The following ABHD18 variants were observed in gnomAD, a reference collection of about 807,000 sequenced individuals.
The protein encoded by ABHD18 is abhydrolase domain containing 18, also known as cardiolipin-specific deacylase, mitochondrial.
ABHD18 carries 55 observed loss-of-function variants against 65.9 expected under a neutral mutation model. The observed-to-expected ratio is 0.84, with a 90% CI of 0.67 to 1.05. ABHD18 has a LOEUF of 1.05. Among genes scored for constraint, ABHD18 ranks in the 50% least tolerant of loss-of-function variants. The pLI, the probability that ABHD18 is intolerant of heterozygous loss-of-function variation, is 0.00. For missense variants in ABHD18, 533 were observed against 558.5 expected (o/e 0.95, Z 0.46); for synonymous variants, 181 against 180.2 (o/e 1.00, Z -0.04).
chr4:128,002,788 T>G (rs1387413466), intron 4 of ABHD18, among the ~76,000 whole-genome samples: 3 of 149,756 alleles, frequency 2.0e-5, no homozygotes, highest in Admixed American at 1.3e-4. Context: ...GGACTACAGG[T>G]AGGTGCCACC....
At position 127,965,578 on chromosome 4, in the gene ABHD18, C is replaced by G; in HGVS notation, c.-46C>G. 4.3e-6 allele frequency: 1 copy of G among 232,330 alleles called. No individual in the cohort carries two copies. Among genetic ancestry groups the G allele is most frequent in the South Asian group, 5.1e-5 (1 of 19,420 alleles). The allele number at this position is 232,330 out of a possible 1,614,324, so 14.4% of individuals were successfully genotyped here. A position where few individuals can be genotyped will look rare whatever the true frequency, so the allele number is the denominator to read the frequency against. On this transcript the variant is annotated 5_prime_UTR_variant, in exon 1 of 13. Coordinates refer to ENST00000645843, the MANE Select transcript of ABHD18 (RefSeq NM_001358451.3). ...CGGCGGTGCTGGGAGGCCCGGCCAG[C>G]TCGATCGCAGGCTTCCACCTGGCGG...
At chr4:127,987,105 C>T (rs974546517) in intron 3 of ABHD18, among the ~76,000 whole-genome samples, 9 of 152,156 alleles carry the variant, frequency 5.9e-5, no homozygotes, top group African/African-American at 2.2e-4. Context: ...GTAATATCAG[C>T]ACTTTGGGAG....
rs1759155893 is a variant in ABHD18 at position 128,039,226 on chromosome 4, A to G, written c.*3413A>G. The G allele has an allele frequency of 6.9e-6, 1 of 144,926 alleles. No homozygotes were observed. The highest frequency in any genetic ancestry group is 7.0e-5 in the Admixed American group (1 of 14,248). 9.0% of individuals were successfully genotyped at this position (144,926 alleles called of 1,614,324 possible). A position where few individuals can be genotyped will look rare whatever the true frequency, so the allele number is the denominator to read the frequency against. ...GGTCTGCCATTTATCTGCCATTTTG[A>G]GGATTTAGGTACTACATAAAATATT... On this transcript the variant is annotated 3_prime_UTR_variant, in exon 13 of 13. Coordinates refer to ENST00000645843, the MANE Select transcript of ABHD18 (RefSeq NM_001358451.3).
At chr4:127,989,660 C>A in intron 3 of ABHD18, 61 bp from the exon 4 acceptor site, 2 of 1,138,630 alleles carry the variant, frequency 1.8e-6, no homozygotes, top group Non-Finnish European at 2.5e-6. Context: ...AGAAGAACAT[C>A]CATGACAGAC....
chr4:127,990,183 A>G (rs1027358267), intron 4 of ABHD18, among the ~76,000 whole-genome samples: 1 of 152,256 alleles, frequency 6.6e-6, no homozygotes, highest in Non-Finnish European at 1.5e-5. Context: ...AAGTATGCAC[A>G]AACAATCACA....
At chr4:127,984,482 GA>G in intron 3 of ABHD18, 59 bp downstream of exon 3, 1 of 947,130 alleles carries the variant, frequency 1.1e-6, no homozygotes, top group Non-Finnish European at 1.6e-6. Flanking sequence ...ATATGTCTAA[GA>G]ATAGATTACA....
chr4:128,027,688 G>A (rs1757589469), intron 10 of ABHD18, among the ~76,000 whole-genome samples: 2 of 152,142 alleles, frequency 1.3e-5, no homozygotes, highest in African/African-American at 2.4e-5. Context: ...ACAGGCGTGA[G>A]CCACCGCGCC....
intron 7 of ABHD18, among the ~76,000 whole-genome samples, chr4:128,016,953 T>G (rs774641065): frequency 6.6e-6 from 1 of 152,188 alleles, no homozygotes; most frequent in Non-Finnish European, 1.5e-5. Flanking sequence ...GGTCTCATTC[T>G]GTTGCCCAGG....
intron 4 of ABHD18, among the ~76,000 whole-genome samples, chr4:128,003,367 CA>C (rs373482106): frequency 0.2 from 22,587 of 110,708 alleles, 2,007 homozygotes; most frequent in Middle Eastern, 0.38. Context: ...GATGCTGTCT[CA>C]AAAAAAAAAA....
In ABHD18 at chr4:128,039,270, G is replaced by C. The variant is rs1312655872; in HGVS notation, c.*3457G>C. ...AAATATTAGAAATTCATTTAGACCAGATCTGTAAACTGGTAGTTCACATAG... is the reference window on the plus strand; with the variant it reads ...AAATATTAGAAATTCATTTAGACCACATCTGTAAACTGGTAGTTCACATAG... On this transcript the variant is annotated 3_prime_UTR_variant, in exon 13 of 13. Coordinates refer to ENST00000645843, the MANE Select transcript of ABHD18 (RefSeq NM_001358451.3). The C allele has an allele frequency of 6.7e-6, 1 of 150,358 alleles. No individual in the cohort carries two copies. Among genetic ancestry groups the C allele is most frequent in the African/African-American group, 2.4e-5 (1 of 40,888 alleles). 9.3% of individuals were successfully genotyped at this position (150,358 alleles called of 1,614,324 possible).
intron 7 of ABHD18, 109 bp downstream of exon 7, chr4:128,011,809 A>C: frequency 6.4e-6 from 2 of 312,042 alleles, no homozygotes; most frequent in Non-Finnish European, 1.1e-5. Context: ...CCTAAATATT[A>C]TGGGGGGGGG....
intron 10 of ABHD18, among the ~76,000 whole-genome samples, chr4:128,026,297 CAAA>C (rs113822684): frequency 6.8e-6 from 1 of 147,334 alleles, no homozygotes; most frequent in Non-Finnish European, 1.5e-5. Flanking sequence ...TGAACAACAA[CAAA>C]AAAAAAAAAT....
chr4:127,979,486 C>T (rs748378349), intron 1 of ABHD18, among the ~76,000 whole-genome samples: 4 of 152,108 alleles, frequency 2.6e-5, no homozygotes, highest in Non-Finnish European at 4.4e-5. Flanking sequence ...ACCGGGGAGG[C>T]AGAGCTGGCA....
At chr4:128,018,770 T>G (rs905057162) in intron 8 of ABHD18, among the ~76,000 whole-genome samples, 1 of 152,026 alleles carries the variant, frequency 6.6e-6, no homozygotes, top group Non-Finnish European at 1.5e-5. Context: ...TCCCAGCACT[T>G]TGGGAGGCCG....
At chr4:128,025,811 C>T (rs751168817) in intron 10 of ABHD18, among the ~76,000 whole-genome samples, 7 of 152,100 alleles carry the variant, frequency 4.6e-5, no homozygotes, top group African/African-American at 4.8e-5. Context: ...TGGAAAATGG[C>T]GTAGTTTTAA....
chr4:128,029,874 T>A (rs1036193621), intron 11 of ABHD18, among the ~76,000 whole-genome samples: 9 of 151,408 alleles, frequency 5.9e-5, no homozygotes, highest in African/African-American at 2.2e-4. Flanking sequence ...TATAGTCCCA[T>A]CTACTCAGAG....
At chr4:127,977,046 A>G (rs1045609663) in intron 1 of ABHD18, among the ~76,000 whole-genome samples, 1 of 151,838 alleles carries the variant, frequency 6.6e-6, no homozygotes, top group African/African-American at 2.4e-5. Flanking sequence ...ATCTCAGAGA[A>G]AAAAAAAACT....
chr4:127,984,400 G>C lies in ABHD18; in HGVS notation c.154G>C (p.Asp52His), dbSNP rs560511632. ...RERCQNLVSSDYPVHIDKIEE... is the reference protein window; with the variant it reads ...RERCQNLVSSHYPVHIDKIEE... ...AAGATGCCAGAATCTGGTTTCAAGCGATTATCCAGTACACATTGATAAGGT... is the reference window on the plus strand; with the variant it reads ...AAGATGCCAGAATCTGGTTTCAAGCCATTATCCAGTACACATTGATAAGGT... The change falls in exon 3 of 13, where the codon GAT becomes CAT. Residue 52 changes from aspartate to histidine, a missense_variant. Physicochemically the swap from Asp to His is moderately conservative, Grantham distance 81. Around this residue, in one of 3 missense-constraint regions of ABHD18, gnomAD observed 309 missense variants for 313.5 expected, o/e 0.99. Coordinates refer to ENST00000645843, the MANE Select transcript of ABHD18 (RefSeq NM_001358451.3). 2.6e-6 allele frequency: 4 copies of C among 1,548,658 alleles called. No individual in the cohort carries two copies. The highest frequency in any genetic ancestry group is 3.5e-6 in the Non-Finnish European group (4 of 1,144,250).
chr4:128,024,796 G>A (rs971508522), intron 10 of ABHD18, among the ~76,000 whole-genome samples: 6 of 151,940 alleles, frequency 3.9e-5, no homozygotes, highest in East Asian at 1.9e-4. Context: ...GAGTTCAAGC[G>A]ATTCTCCTGC....
Sources: gnomAD v4.1 joint callset for allele counts (sites outside exome capture counted in the v4.1 genomes callset) on GRCh38, gnomAD v4.1.1 for gene constraint, gnomAD v4.1.1 regional missense constraint, MANE v1.5 for transcripts, NCBI Gene and HGNC (gene_info 2026-07-23, HGNC 2026-07-21) for gene names.